The following CHST11 variants were observed in gnomAD, a reference collection of about 807,000 sequenced individuals.
CHST11 encodes carbohydrate sulfotransferase 11.
A neutral mutation model predicts 30.4 loss-of-function variants in CHST11; 9 were observed. The ratio of observed to expected loss-of-function variants is 0.30; its 90% CI spans 0.18 to 0.52. The LOEUF is 0.52. CHST11 is among the 20% of genes least tolerant of loss of function. CHST11 has a pLI of 0.97. For synonymous variants in CHST11, 152 were observed against 187.8 expected (o/e 0.81, Z 1.56); for missense variants, 348 against 460.6 (o/e 0.76, Z 2.24).
At chr12:104,489,547 T>C (rs781089903) in intron 1 of CHST11, among the ~76,000 whole-genome samples, 3 of 152,106 alleles carry the variant, frequency 2.0e-5, no homozygotes, top group Non-Finnish European at 2.9e-5. Flanking sequence ...GGCACGATCT[T>C]GGCTCACTGC....
intron 2 of CHST11, among the ~76,000 whole-genome samples, chr12:104,665,964 T>A (rs1247292248): frequency 6.6e-6 from 1 of 151,630 alleles, no homozygotes; most frequent in African/African-American, 2.4e-5. Context: ...GGATTACAGG[T>A]GCCCGTCACC....
At chr12:104,541,772 A>G (rs2038289146) in intron 1 of CHST11, among the ~76,000 whole-genome samples, 2 of 152,210 alleles carry the variant, frequency 1.3e-5, no homozygotes, top group African/African-American at 4.8e-5. Context: ...AGGAGTAAAG[A>G]TGGTTATTAG....
chr12:104,583,774 G>A (rs533655915), intron 1 of CHST11, among the ~76,000 whole-genome samples: 8 of 151,792 alleles, frequency 5.3e-5, no homozygotes, highest in Middle Eastern at 6.8e-3. Flanking sequence ...GTGTAGTGGC[G>A]AGATCTCAGC....
chr12:104,643,532 A>G (rs923312665), intron 2 of CHST11, among the ~76,000 whole-genome samples: 2 of 152,094 alleles, frequency 1.3e-5, no homozygotes, highest in Admixed American at 1.3e-4. Flanking sequence ...TTTGTGTGGG[A>G]TTATCAGTAA....
At position 104,540,248 on chromosome 12, in the gene CHST11, A is replaced by G. The variant is rs564580583; in HGVS notation, c.119-61658A>G. On this transcript the variant is annotated intron_variant, in intron 1 of 2. Transcript: ENST00000303694. ...TGAATATGGAGGCTGATTGTACAGGACAAAAAGTCATAAATAAAATGAATG... is the reference window on the plus strand; with the variant it reads ...TGAATATGGAGGCTGATTGTACAGGGCAAAAAGTCATAAATAAAATGAATG... Among the ~76,000 whole-genome samples the G allele has an allele frequency of 8.5e-5, 13 of 152,362 alleles. No individual in the cohort carries two copies. In the East Asian group the frequency reaches 1.3e-3, roughly 16 times the overall value.
At chr12:104,723,249 T>G (rs968510263) in intron 2 of CHST11, among the ~76,000 whole-genome samples, 4 of 152,174 alleles carry the variant, frequency 2.6e-5, no homozygotes, top group African/African-American at 9.7e-5. Flanking sequence ...GAGCCCTTTG[T>G]TTTAACTCAT....
intron 1 of CHST11, among the ~76,000 whole-genome samples, chr12:104,555,286 A>C (rs972306821): frequency 2.0e-5 from 3 of 152,158 alleles, no homozygotes; most frequent in African/African-American, 7.2e-5. Flanking sequence ...TATCTGTAGG[A>C]ATGGTGGGCA....
chr12:104,704,699 C>T (rs2040018185), intron 2 of CHST11, among the ~76,000 whole-genome samples: 1 of 152,152 alleles, frequency 6.6e-6, no homozygotes, highest in Non-Finnish European at 1.5e-5. Flanking sequence ...TGTCCCTAAC[C>T]AAAATCATGC....
At chr12:104,657,357 G>T (rs905210460) in intron 2 of CHST11, among the ~76,000 whole-genome samples, 1 of 152,172 alleles carries the variant, frequency 6.6e-6, no homozygotes, top group African/African-American at 2.4e-5. Flanking sequence ...GCCTTGCTAT[G>T]TTTAGCTAAT....
chr12:104,703,596 G>A lies in CHST11; in HGVS notation c.205-53353G>A, dbSNP rs558658953. 8.5e-5 allele frequency among the ~76,000 whole-genome samples: 13 copies of A among 152,252 alleles called. No homozygotes were observed. In the South Asian group the frequency reaches 2.7e-3, roughly 32 times the overall value. On this transcript the variant is annotated intron_variant, in intron 2 of 2. Transcript: ENST00000303694. ...ACATTCTACTGCCGCAGCCAGAGCT[G>A]GTCTACAGCGTAAGTCGGATCATGT...
chr12:104,747,837 C>A (rs1204826790), intron 2 of CHST11, among the ~76,000 whole-genome samples: 1 of 152,154 alleles, frequency 6.6e-6, no homozygotes, highest in East Asian at 1.9e-4. Context: ...GGGGCGACCT[C>A]TCTTCCTCCT....
intron 1 of CHST11, among the ~76,000 whole-genome samples, chr12:104,593,628 C>T (rs902613307): frequency 2.0e-5 from 3 of 152,204 alleles, no homozygotes; most frequent in Non-Finnish European, 2.9e-5. Context: ...TGACATGTCC[C>T]ATTTCCCAGG....
Position 104,617,131 on chromosome 12 carries a change from GA to G in CHST11, c.204+15143del, listed in dbSNP as rs377366491. 2.8e-3 allele frequency among the ~76,000 whole-genome samples: 424 copies of G among 152,306 alleles called. 4 individuals are homozygous for G. The highest frequency in any genetic ancestry group is 9.6e-3 in the African/African-American group (400 of 41,564). Reference sequence around the variant, plus strand: ...CATATGACTCAACCCAGGGAGAAGAGAAATGTGGCATTGAACGGGTGCCTTT... The same window carrying G: ...CATATGACTCAACCCAGGGAGAAGAGAATGTGGCATTGAACGGGTGCCTTT... On this transcript the variant is annotated intron_variant, in intron 2 of 2. Coordinates refer to ENST00000303694, the MANE Select transcript of CHST11 (RefSeq NM_018413.6).
intron 1 of CHST11, chr12:104,588,775 G>C (rs2038829940): frequency 6.6e-6 from 1 of 152,448 alleles, no homozygotes; most frequent in African/African-American, 2.4e-5. Flanking sequence ...AGCAGCCTCT[G>C]GGCTCCGCCT....
rs181523303 is a variant in CHST11, at chr12:104,567,922, C to T, written c.119-33984C>T. ...CACTGTTTGGTGCCTTGCCAGACAC[C>T]GAATCTGCTATTGCTTTGATCTTGG... On this transcript the variant is annotated intron_variant, in intron 1 of 2. Coordinates refer to ENST00000303694, the MANE Select transcript of CHST11 (RefSeq NM_018413.6). Among the ~76,000 whole-genome samples, 27 of 152,270 alleles carry T rather than the reference C, an allele frequency of 1.8e-4. 1 individual carries two copies. Among genetic ancestry groups the T allele is most frequent in the African/African-American group, 4.8e-4 (20 of 41,546 alleles).
intron 2 of CHST11, among the ~76,000 whole-genome samples, chr12:104,751,195 A>G (rs561582230): frequency 6.6e-6 from 1 of 152,290 alleles, no homozygotes; most frequent in South Asian, 2.1e-4. Context: ...CTGGCATGCT[A>G]CCTCCCTGGG....
At chr12:104,537,834 C>T (rs753218139) in intron 1 of CHST11, among the ~76,000 whole-genome samples, 1 of 151,626 alleles carries the variant, frequency 6.6e-6, no homozygotes. Flanking sequence ...TGACCGGGAC[C>T]ACAGGTGCGT....
At chr12:104,623,616 A>G (rs2039183105) in intron 2 of CHST11, among the ~76,000 whole-genome samples, 1 of 152,246 alleles carries the variant, frequency 6.6e-6, no homozygotes, top group African/African-American at 2.4e-5. Flanking sequence ...AGGCTGAGGC[A>G]GGAGAATCGC....
chr12:104,598,292 G>T (rs572395678), intron 1 of CHST11, among the ~76,000 whole-genome samples: 1 of 152,184 alleles, frequency 6.6e-6, no homozygotes, highest in South Asian at 2.1e-4. Flanking sequence ...GCCCCCAGTG[G>T]TCTAAACCTG....
Sources: gnomAD v4.1 joint callset for allele counts (sites outside exome capture counted in the v4.1 genomes callset) on GRCh38, gnomAD v4.1.1 for gene constraint, MANE v1.5 for transcripts, NCBI Gene and HGNC (gene_info 2026-07-23, HGNC 2026-07-21) for gene names.